The following CNTNAP5 variants were observed in gnomAD, a reference collection of about 807,000 sequenced individuals.
The protein encoded by CNTNAP5 is contactin-associated protein-like 5.
Under a neutral mutation model 150.2 loss-of-function variants are expected in CNTNAP5, and 72 were observed. That is an observed-to-expected ratio of 0.48 (90% CI 0.40 to 0.58). The LOEUF is 0.58. Ranked by LOEUF, CNTNAP5 falls within the 20% of genes least tolerant of loss-of-function variation. CNTNAP5 has a pLI of 0.00. For missense variants in CNTNAP5, 1,636 were observed against 1,626.2 expected, an observed-to-expected ratio of 1.01 and a Z score of -0.10; for synonymous variants, 672 against 619.8, an observed-to-expected ratio of 1.08 and a Z score of -1.25.
intron 13 of CNTNAP5, among the ~76,000 whole-genome samples, chr2:124,738,381 AT>A (rs1680430708): frequency 6.6e-6 from 1 of 152,140 alleles, no homozygotes; most frequent in Admixed American, 6.5e-5. Context: ...GTGTCTCAAA[AT>A]GTTCATTTTT....
intron 13 of CNTNAP5, among the ~76,000 whole-genome samples, chr2:124,654,488 G>A (rs972872702): frequency 3.3e-5 from 5 of 151,978 alleles, no homozygotes; most frequent in Non-Finnish European, 7.4e-5. Context: ...ATTCTAATTC[G>A]GGGCTGTGTG....
intron 8 of CNTNAP5, among the ~76,000 whole-genome samples, chr2:124,506,436 A>G (rs1694409395): frequency 6.6e-6 from 1 of 152,100 alleles, no homozygotes; most frequent in African/African-American, 2.4e-5. Context: ...CTCTGGGCCC[A>G]ATATACTTTG....
intron 3 of CNTNAP5, among the ~76,000 whole-genome samples, chr2:124,391,831 C>T (rs1322663594): frequency 1.3e-5 from 2 of 152,156 alleles, no homozygotes; most frequent in East Asian, 3.9e-4. Flanking sequence ...TGGCGGGCGC[C>T]TGTAGTCCCA....
intron 1 of CNTNAP5, among the ~76,000 whole-genome samples, chr2:124,220,090 A>G (rs79989456): frequency 0.015 from 2,276 of 152,182 alleles, 68 homozygotes; most frequent in African/African-American, 0.052. Flanking sequence ...CAGTTAGTTA[A>G]AATACTGCTA....
chr2:124,752,460 A>T (rs1680747955), intron 14 of CNTNAP5, among the ~76,000 whole-genome samples: 1 of 152,120 alleles, frequency 6.6e-6, no homozygotes, highest in Non-Finnish European at 1.5e-5. Flanking sequence ...AAAGTGACAC[A>T]GCTCACAAGG....
chr2:124,185,308 T>C (rs1035196043), intron 1 of CNTNAP5, among the ~76,000 whole-genome samples: 1 of 152,200 alleles, frequency 6.6e-6, no homozygotes, highest in African/African-American at 2.4e-5. Flanking sequence ...TGAACTCATA[T>C]TGCCACCCAC....
At chr2:124,786,464 AAAGGAAGG>A (rs1297550355) in intron 17 of CNTNAP5, among the ~76,000 whole-genome samples, 2 of 92,758 alleles carry the variant, frequency 2.2e-5, no homozygotes, top group African/African-American at 1.3e-4. Context: ...AGAAAGAAAG[AAAGGAAGG>A]AAGGAAGGAA....
At chr2:124,311,996 A>G (rs1357595881) in intron 3 of CNTNAP5, among the ~76,000 whole-genome samples, 2 of 152,228 alleles carry the variant, frequency 1.3e-5, no homozygotes, top group Non-Finnish European at 2.9e-5. Context: ...TCGTGAAATA[A>G]TGGTAGAATG....
intron 1 of CNTNAP5, among the ~76,000 whole-genome samples, chr2:124,090,584 G>A (rs768646761): frequency 1.3e-5 from 2 of 152,054 alleles, no homozygotes; most frequent in African/African-American, 2.4e-5. Context: ...TTGAACACAC[G>A]GTTTTCATGG....
intron 8 of CNTNAP5, among the ~76,000 whole-genome samples, chr2:124,522,164 A>T (rs1370099127): frequency 6.6e-6 from 1 of 152,058 alleles, no homozygotes; most frequent in Non-Finnish European, 1.5e-5. Context: ...GCCAACTGGG[A>T]GCTCAGGGGT....
At chr2:124,125,025 C>G (rs1161794294) in intron 1 of CNTNAP5, among the ~76,000 whole-genome samples, 1 of 152,122 alleles carries the variant, frequency 6.6e-6, no homozygotes, top group Non-Finnish European at 1.5e-5. Context: ...AAACAACCAG[C>G]TAAATCAAAA....
At chr2:124,267,212 C>T (rs1189658922) in intron 3 of CNTNAP5, among the ~76,000 whole-genome samples, 2 of 152,128 alleles carry the variant, frequency 1.3e-5, no homozygotes, top group Non-Finnish European at 2.9e-5. Flanking sequence ...GTTGAGAAAA[C>T]ATTTTCTAAC....
intron 3 of CNTNAP5, among the ~76,000 whole-genome samples, chr2:124,281,607 T>C (rs1297573201): frequency 6.6e-6 from 1 of 152,176 alleles, no homozygotes; most frequent in Non-Finnish European, 1.5e-5. Context: ...ATAAAGCTAG[T>C]GTCATCCTAC....
intron 3 of CNTNAP5, among the ~76,000 whole-genome samples, chr2:124,290,992 G>A (rs2104633804): frequency 6.6e-6 from 1 of 152,068 alleles, no homozygotes; most frequent in African/African-American, 2.4e-5. Context: ...GTGAAAACTT[G>A]CCACAGTGAC....
intron 3 of CNTNAP5, among the ~76,000 whole-genome samples, chr2:124,367,433 T>G (rs912209457): frequency 2.0e-5 from 3 of 151,500 alleles, no homozygotes; most frequent in African/African-American, 7.4e-5. Flanking sequence ...TCATGAGAAC[T>G]CACTCACTAT....
At chr2:124,365,467 C>A (rs1227751425) in intron 3 of CNTNAP5, among the ~76,000 whole-genome samples, 2 of 151,912 alleles carry the variant, frequency 1.3e-5, no homozygotes, top group Non-Finnish European at 2.9e-5. Flanking sequence ...AATAAGGAAA[C>A]AAATTTAACA....
intron 10 of CNTNAP5, among the ~76,000 whole-genome samples, chr2:124,540,663 T>A (rs1406274840): frequency 1.3e-5 from 2 of 149,026 alleles, no homozygotes; most frequent in East Asian, 4.1e-4. Flanking sequence ...ATCTGCTTTT[T>A]TTTAGTATTA....
chr2:124,200,370 A>T (rs1313059886), intron 1 of CNTNAP5, among the ~76,000 whole-genome samples: 1 of 152,044 alleles, frequency 6.6e-6, no homozygotes, highest in African/African-American at 2.4e-5. Context: ...TTGAGACACC[A>T]CTCATTGTTA....
intron 1 of CNTNAP5, among the ~76,000 whole-genome samples, chr2:124,125,286 T>C (rs879022529): frequency 2.0e-5 from 3 of 152,040 alleles, no homozygotes; most frequent in Non-Finnish European, 4.4e-5. Context: ...AAACAGACTT[T>C]AAACCAACAA....
Sources: allele counts gnomAD v4.1 joint callset (sites outside exome capture counted in the v4.1 genomes callset), GRCh38; gene constraint gnomAD v4.1.1; transcripts MANE v1.5; gene names NCBI Gene and HGNC (gene_info 2026-07-23, HGNC 2026-07-21).